Variants in RAB3IP observed in about 807,000 individuals in gnomAD.
The protein encoded by RAB3IP is RAB3A interacting protein.
Under a neutral mutation model 59.1 loss-of-function variants are expected in RAB3IP, and 36 were observed. That is an observed-to-expected ratio of 0.61 (90% confidence interval 0.47 to 0.80). The LOEUF is 0.80. RAB3IP is among the 30% of genes least tolerant of loss of function. The probability of loss-of-function intolerance (pLI) is 0.00; values close to 1 mark genes in which losing one functional copy is unlikely to be tolerated. For missense variants in RAB3IP, 511 were observed against 536.0 expected (o/e 0.95, Z 0.46); for synonymous variants, 207 against 191.2 (o/e 1.08, Z -0.68).
At chr12:69,783,541 AG>A (rs1440007602) in intron 3 of RAB3IP, among the ~76,000 whole-genome samples, 1 of 152,056 alleles carries the variant, frequency 6.6e-6, no homozygotes, top group Non-Finnish European at 1.5e-5. Context: ...TACTCCTCTA[AG>A]ATGTTTGAGG....
intron 3 of RAB3IP, among the ~76,000 whole-genome samples, chr12:69,761,030 T>A (rs574933973): frequency 1.3e-5 from 2 of 152,306 alleles, no homozygotes; most frequent in East Asian, 3.9e-4. Context: ...TCCTATTACA[T>A]GTACATTAGA....
chr12:69,810,482 A>T (rs1592628938), intron 8 of RAB3IP, among the ~76,000 whole-genome samples: 1 of 152,176 alleles, frequency 6.6e-6, no homozygotes, highest in Admixed American at 6.5e-5. Flanking sequence ...GGAGCTGTAG[A>T]CTGGAGCTGT....
intron 8 of RAB3IP, among the ~76,000 whole-genome samples, chr12:69,810,414 C>G (rs999075549): frequency 3.3e-5 from 5 of 152,162 alleles, no homozygotes; most frequent in African/African-American, 9.7e-5. Flanking sequence ...AACCACTGCT[C>G]TCTTCAAAGC....
intron 8 of RAB3IP, among the ~76,000 whole-genome samples, chr12:69,806,896 G>C (rs1254581158): frequency 6.6e-6 from 1 of 152,120 alleles, no homozygotes; most frequent in Non-Finnish European, 1.5e-5. Flanking sequence ...GGGGTTGGGG[G>C]TAAGGTTATA....
At chr12:69,782,170 G>GT (rs555395288) in intron 3 of RAB3IP, among the ~76,000 whole-genome samples, 4 of 152,110 alleles carry the variant, frequency 2.6e-5, no homozygotes, top group African/African-American at 4.8e-5. Context: ...TTTTTGTTCT[G>GT]TTTTTTCTTT....
At chr12:69,755,072 GTTTTGT>G (rs910372564) in intron 1 of RAB3IP, among the ~76,000 whole-genome samples, 20 of 151,954 alleles carry the variant, frequency 1.3e-4, no homozygotes, top group African/African-American at 4.8e-4. Flanking sequence ...TGATTGTGGT[GTTTTGT>G]TTTTGTTTTT....
intron 3 of RAB3IP, among the ~76,000 whole-genome samples, chr12:69,762,921 C>T (rs1442945740): frequency 1.3e-5 from 2 of 151,534 alleles, no homozygotes; most frequent in Admixed American, 6.6e-5. Flanking sequence ...TAACTGTAGC[C>T]AAAGACATTT....
In RAB3IP at chr12:69,755,435, C is replaced by T. The variant is rs759239426; in HGVS notation, c.27C>T (p.Phe9=). The change falls in exon 2 of 11, where the codon TTC becomes TTT. Residue 9 remains phenylalanine, a synonymous_variant. Transcript: ENST00000247833. The part of the protein sequence containing the change: MANDPLEG[F]HEVNLASPTS... Reference sequence around the variant, plus strand: ...TGGCTAATGATCCCTTGGAAGGCTTCCATGAAGTAAACCTTGCTTCACCTA... The same window carrying T: ...TGGCTAATGATCCCTTGGAAGGCTTTCATGAAGTAAACCTTGCTTCACCTA... The T allele has an allele frequency of 4.3e-6, 7 of 1,613,860 alleles. No homozygotes were observed. The highest frequency in any genetic ancestry group is 1.6e-4 in the Middle Eastern group (1 of 6,082).
Position 69,817,995 on chromosome 12 carries a change from C to G in RAB3IP, c.*2549C>G, listed in dbSNP as rs1404688531. ...CATTAAGAGGTTTTCATCTCTCAAT[C>G]AGGAAAACGTAAATCAAGATGACAA... On this transcript the variant is annotated 3_prime_UTR_variant, in exon 11 of 11. Coordinates refer to ENST00000247833, the MANE Select transcript of RAB3IP (RefSeq NM_022456.5). The G allele has an allele frequency of 6.6e-6, 1 of 152,130 alleles. No homozygotes were observed. The highest frequency in any genetic ancestry group is 6.5e-5 in the Admixed American group (1 of 15,270). The allele number at this position is 152,130 out of a possible 1,614,324, so 9.4% of individuals were successfully genotyped here.
intron 1 of RAB3IP, among the ~76,000 whole-genome samples, chr12:69,744,710 G>C (rs1868257289): frequency 7.1e-6 from 1 of 140,998 alleles, no homozygotes; most frequent in Non-Finnish European, 1.5e-5. Context: ...AAAAAAAAAA[G>C]TATTGTGGAA....
intron 4 of RAB3IP, among the ~76,000 whole-genome samples, chr12:69,792,018 G>A (rs554579979): frequency 3.7e-4 from 56 of 152,268 alleles, no homozygotes; most frequent in Admixed American, 7.2e-4. Flanking sequence ...CAACATGAGC[G>A]AACCTGGAGG....
intron 1 of RAB3IP, among the ~76,000 whole-genome samples, chr12:69,746,749 A>G (rs1051407034): frequency 3.3e-5 from 5 of 152,248 alleles, no homozygotes; most frequent in Non-Finnish European, 5.9e-5. Context: ...CATGGAATTT[A>G]TAACAGTTCA....
chr12:69,805,975 C>T (rs947634803), intron 8 of RAB3IP, among the ~76,000 whole-genome samples: 1 of 152,148 alleles, frequency 6.6e-6, no homozygotes, highest in Non-Finnish European at 1.5e-5. Flanking sequence ...TGTTATGTCT[C>T]TGCCCGGCTT....
intron 1 of RAB3IP, among the ~76,000 whole-genome samples, chr12:69,755,113 G>T (rs1447583517): frequency 6.6e-6 from 1 of 152,018 alleles, no homozygotes; most frequent in African/African-American, 2.4e-5. Flanking sequence ...AGAAGGTCTT[G>T]CCCTGTCACC....
At position 69,801,691 on chromosome 12, in the gene RAB3IP, A is replaced by C; in HGVS notation, c.1100A>C (p.Lys367Thr). Residue 367 changes from lysine to threonine, a missense_variant, in exon 8 of 11, where the codon AAA becomes ACA. Physicochemically the swap from Lys to Thr is moderately conservative, Grantham distance 78. Transcript: ENST00000247833. ...PVGLQPIRFVKASAVECGGPK... is the reference protein window; with the variant it reads ...PVGLQPIRFVTASAVECGGPK... ...GGATTACAACCTATCCGGTTTGTGA[A>C]AGCTTCTGCAGTTGAATGCGGAGGA... is the stretch of plus-strand genomic sequence containing the variant. The C allele has an allele frequency of 6.2e-7, 1 of 1,612,752 alleles. No individual in the cohort carries two copies. The highest frequency in any genetic ancestry group is 8.5e-7 in the Non-Finnish European group (1 of 1,179,148).
chr12:69,807,494 C>A (rs866019324), intron 8 of RAB3IP, among the ~76,000 whole-genome samples: 4 of 114,384 alleles, frequency 3.5e-5, no homozygotes, highest in African/African-American at 1.4e-4. Flanking sequence ...ACTTCCCAGA[C>A]GACGGGCGGC....
intron 3 of RAB3IP, among the ~76,000 whole-genome samples, chr12:69,759,459 C>T (rs577979810): frequency 5.9e-5 from 9 of 151,960 alleles, no homozygotes; most frequent in East Asian, 3.9e-4. Flanking sequence ...TCCACAAAAC[C>T]GCCATCGTCA....
intron 4 of RAB3IP, among the ~76,000 whole-genome samples, chr12:69,790,471 C>T (rs1056518664): frequency 6.6e-6 from 1 of 152,162 alleles, no homozygotes; most frequent in Non-Finnish European, 1.5e-5. Flanking sequence ...GTTAAAATGT[C>T]TATTCTACCC....
At chr12:69,803,748 T>C (rs1878770196) in intron 8 of RAB3IP, among the ~76,000 whole-genome samples, 1 of 151,970 alleles carries the variant, frequency 6.6e-6, no homozygotes, top group African/African-American at 2.4e-5. Flanking sequence ...ATGTGCGGTG[T>C]TTGGTTTTTT....
Sources: allele counts gnomAD v4.1 joint callset (sites outside exome capture counted in the v4.1 genomes callset), GRCh38; gene constraint gnomAD v4.1.1; transcripts MANE v1.5; gene names NCBI Gene and HGNC (gene_info 2026-07-23, HGNC 2026-07-21).